The following UNC13B variants were observed in gnomAD, a reference collection of about 807,000 sequenced individuals.
The protein encoded by UNC13B is unc-13 homolog B.
Under a neutral mutation model 211.0 loss-of-function variants are expected in UNC13B, and 144 were observed. The observed-to-expected ratio is 0.68, with a 90% confidence interval of 0.60 to 0.78. The LOEUF (loss-of-function observed/expected upper bound fraction) is 0.78. Ranked by LOEUF, UNC13B falls within the 30% of genes least tolerant of loss-of-function variation. The pLI, the probability that UNC13B is intolerant of heterozygous loss-of-function variation, is 0.00. For missense variants in UNC13B, 1,777 were observed against 2,002.0 expected (o/e 0.89, Z 2.14); for synonymous variants, 709 against 725.8 (o/e 0.98, Z 0.37).
chr9:35,261,811 C>T (rs906685159), intron 7 of UNC13B, among the ~76,000 whole-genome samples: 2 of 152,092 alleles, frequency 1.3e-5, no homozygotes, highest in African/African-American at 2.4e-5. Flanking sequence ...CTTCTATTCT[C>T]TGTCTCCATG....
chr9:35,394,621 C>T (rs758066219), intron 26 of UNC13B, among the ~76,000 whole-genome samples: 7 of 152,052 alleles, frequency 4.6e-5, no homozygotes, highest in South Asian at 2.1e-4. Flanking sequence ...TTTATATAGA[C>T]GTTACCAGAA....
chr9:35,380,335 G>A lies in UNC13B; in HGVS notation c.10206-135G>A, dbSNP rs777242474. 228 of 948,156 alleles carry A rather than the reference G, an allele frequency of 2.4e-4. 2 individuals are homozygous for A. Among genetic ancestry groups the A allele is most frequent in the Non-Finnish European group, 3.2e-4 (210 of 651,656 alleles). 58.7% of individuals were successfully genotyped at this position (948,156 alleles called of 1,614,324 possible). Reference sequence around the variant, plus strand: ...ATAGCCCAACTTTCTTGGAACTTTTGTACTGCTGTCCTCTGACTTCTCCTC... The same window carrying A: ...ATAGCCCAACTTTCTTGGAACTTTTATACTGCTGTCCTCTGACTTCTCCTC... On this transcript the variant is annotated intron_variant, in intron 17 of 39. Coordinates refer to ENST00000635942, the MANE Select transcript of UNC13B (RefSeq NM_001371189.2).
intron 10 of UNC13B, 52 bp from the exon 11 acceptor site, chr9:35,313,847 C>T (rs1830314276): frequency 1.4e-6 from 2 of 1,440,266 alleles, no homozygotes; most frequent in African/African-American, 2.8e-5. Context: ...TGAGCAGTGT[C>T]ACCTTGTGGC....
At chr9:35,243,695 G>C (rs929277266) in intron 6 of UNC13B, among the ~76,000 whole-genome samples, 40 of 151,990 alleles carry the variant, frequency 2.6e-4, no homozygotes, top group African/African-American at 8.7e-4. Context: ...CAGTTTTTTG[G>C]ATATTATTCT....
chr9:35,198,372 C>T (rs1823063739), intron 1 of UNC13B, among the ~76,000 whole-genome samples: 1 of 152,202 alleles, frequency 6.6e-6, no homozygotes. Context: ...GCCTGCTTCT[C>T]CTTGGCCTTC....
rs9695056 is a variant in UNC13B at position 35,200,246 on chromosome 9, G to C, written c.23-27769G>C. On this transcript the variant is annotated intron_variant, in intron 1 of 39. Transcript: ENST00000635942. ...CTGTTTTGGTTATTGTAGCCTTGTA[G>C]TATAGTTTGAAGTCAGGTAGCATGA... Among the ~76,000 whole-genome samples, 1,399 of 152,172 alleles carry C rather than the reference G, an allele frequency of 9.2e-3. 24 individuals are homozygous for C. The highest frequency in any genetic ancestry group is 0.032 in the African/African-American group (1,343 of 41,516).
intron 26 of UNC13B, 118 bp from the exon 27 acceptor site, chr9:35,396,358 T>C: frequency 1.5e-6 from 2 of 1,315,364 alleles, no homozygotes; most frequent in South Asian, 1.4e-5. Flanking sequence ...AGGTTGGGAG[T>C]CACCCTTGTC....
At chr9:35,400,535 T>A in intron 37 of UNC13B, 92 bp downstream of exon 37, 1 of 1,425,592 alleles carries the variant, frequency 7.0e-7, no homozygotes, top group Non-Finnish European at 9.4e-7. Context: ...TGGGAGCAGA[T>A]CCAGTTACTT....
At chr9:35,338,924 G>C (rs1831821426) in intron 11 of UNC13B, among the ~76,000 whole-genome samples, 1 of 152,188 alleles carries the variant, frequency 6.6e-6, no homozygotes, top group Admixed American at 6.5e-5. Flanking sequence ...GATTGGTGAG[G>C]CCCTCCTCCA....
In UNC13B at chr9:35,285,641, A is replaced by C. The variant is rs367625335; in HGVS notation, c.527-10055A>C. 7.5e-4 allele frequency among the ~76,000 whole-genome samples: 114 copies of C among 152,266 alleles called. 1 individual carries two copies. The South Asian group carries it at 0.018, about 25-fold the overall frequency. ...CTAGGGTAGGAGGATTGGTTGAGGC[A>C]GCAATGAGCCATGATTGTCACTGCA... On this transcript the variant is annotated intron_variant, in intron 7 of 39. Transcript: ENST00000635942.
intron 11 of UNC13B, chr9:35,342,403 T>A: frequency 1.0e-6 from 1 of 972,842 alleles, no homozygotes; most frequent in Non-Finnish European, 1.2e-6. Context: ...AAGGAAAGCA[T>A]TTGTGGGTGG....
chr9:35,319,593 A>G (rs1040936000), intron 11 of UNC13B, among the ~76,000 whole-genome samples: 6 of 151,780 alleles, frequency 4.0e-5, no homozygotes, highest in African/African-American at 1.5e-4. Flanking sequence ...AGTAGTCTAC[A>G]GTGTCTATTG....
At chr9:35,356,388 T>C (rs1833021918) in intron 11 of UNC13B, among the ~76,000 whole-genome samples, 1 of 152,218 alleles carries the variant, frequency 6.6e-6, no homozygotes, top group Non-Finnish European at 1.5e-5. Flanking sequence ...TTTTTTTTCT[T>C]GGTATGTGCC....
chr9:35,331,439 G>A (rs7019855), intron 11 of UNC13B, among the ~76,000 whole-genome samples: 4,440 of 152,162 alleles, frequency 0.029, 218 homozygotes, highest in African/African-American at 0.1. Context: ...TAGAGATGGG[G>A]TTTCGCCATC....
At chr9:35,205,638 G>GAAT (rs1286642981) in intron 1 of UNC13B, among the ~76,000 whole-genome samples, 1 of 152,164 alleles carries the variant, frequency 6.6e-6, no homozygotes, top group Non-Finnish European at 1.5e-5. Flanking sequence ...TATGTGAATG[G>GAAT]AATAATATAA....
intron 11 of UNC13B, chr9:35,353,936 G>A (rs1832875363): frequency 1.4e-5 from 7 of 512,302 alleles, no homozygotes; most frequent in Non-Finnish European, 2.1e-5. Flanking sequence ...CTTGAATCAG[G>A]CTAAATTACT....
intron 1 of UNC13B, among the ~76,000 whole-genome samples, chr9:35,183,965 C>T (rs539468614): frequency 3.0e-4 from 45 of 148,670 alleles, no homozygotes; most frequent in African/African-American, 9.8e-4. Context: ...CCAGACGGGG[C>T]GGCGGGGCAG....
chr9:35,291,195 T>G, intron 7 of UNC13B: 1 of 1,231,772 alleles, frequency 8.1e-7, no homozygotes, highest in South Asian at 1.4e-5. Context: ...TATTCATGCA[T>G]AGACTTCCAT....
At chr9:35,201,776 C>A (rs1211686139) in intron 1 of UNC13B, among the ~76,000 whole-genome samples, 2 of 151,968 alleles carry the variant, frequency 1.3e-5, no homozygotes, top group Non-Finnish European at 2.9e-5. Flanking sequence ...TTGATCTTTT[C>A]AAAAAACCAG....
Sources: allele counts gnomAD v4.1 joint callset (sites outside exome capture counted in the v4.1 genomes callset), GRCh38; gene constraint gnomAD v4.1.1; transcripts MANE v1.5; gene names NCBI Gene and HGNC (gene_info 2026-07-23, HGNC 2026-07-21).